RANBP2: variants seen among roughly 807,000 people sequenced by gnomAD.
RANBP2 encodes the protein RAN binding protein 2, also known as E3 SUMO-protein ligase RanBP2.
A neutral mutation model predicts 303.6 loss-of-function variants in RANBP2; 57 were observed. The observed-to-expected ratio is 0.19, with a 90% CI of 0.15 to 0.23. The LOEUF is 0.23. Among genes scored for constraint, RANBP2 ranks in the 10% least tolerant of loss-of-function variants. The probability of loss-of-function intolerance (pLI) is 1.00; values close to 1 mark genes in which losing one functional copy is unlikely to be tolerated. For missense variants in RANBP2, 3,138 were observed against 3,780.8 expected, an observed-to-expected ratio of 0.83 and a Z score of 4.46; for synonymous variants, 1,167 against 1,301.5, an observed-to-expected ratio of 0.90 and a Z score of 2.23.
the RANBP2 span, among the ~76,000 whole-genome samples, chr2:108,877,971 A>G: frequency 6.6e-6 from 1 of 152,204 alleles, no homozygotes. Context: ...TAATCCAAGA[A>G]TTTCTCCCTA....
the RANBP2 span, among the ~76,000 whole-genome samples, chr2:109,382,794 A>G: frequency 6.6e-6 from 1 of 152,236 alleles, no homozygotes; most frequent in Non-Finnish European, 1.5e-5. Context: ...ATTTGAAGTT[A>G]GCACCCCCAA....
the RANBP2 span, among the ~76,000 whole-genome samples, chr2:109,761,049 G>C: frequency 7.1e-6 from 1 of 140,012 alleles, no homozygotes; most frequent in Non-Finnish European, 1.5e-5. Flanking sequence ...GAGCGCAGCC[G>C]TGGGGAGGAA....
the RANBP2 span, among the ~76,000 whole-genome samples, chr2:108,942,045 C>T: frequency 3.9e-5 from 6 of 152,348 alleles, no homozygotes; most frequent in East Asian, 1.9e-4. Context: ...AGAGAAAGTT[C>T]GCTGGGCTTC....
At chr2:109,219,300 T>C in the RANBP2 span, among the ~76,000 whole-genome samples, 1 of 127,346 alleles carries the variant, frequency 7.9e-6, no homozygotes, top group Non-Finnish European at 1.6e-5. Context: ...CAAAACATTT[T>C]GTGTAATTAC....
the RANBP2 span, among the ~76,000 whole-genome samples, chr2:109,297,467 G>GCTCC: frequency 6.6e-6 from 1 of 152,022 alleles, no homozygotes; most frequent in African/African-American, 2.4e-5. Flanking sequence ...CCAGAGGGGT[G>GCTCC]CCTGGTGTGG....
At chr2:109,006,484 G>C in the RANBP2 span, among the ~76,000 whole-genome samples, 1 of 152,086 alleles carries the variant, frequency 6.6e-6, no homozygotes, top group Non-Finnish European at 1.5e-5. Context: ...ATGAGCCACC[G>C]CGCCGGCCCT....
At position 108,720,226 on chromosome 2, in the gene RANBP2, G is replaced by C; in HGVS notation, c.72+548G>C. The C allele has an allele frequency of 1.4e-5, 13 of 903,196 alleles. 2 individuals carry two copies. The highest frequency in any genetic ancestry group is 1.7e-5 in the Non-Finnish European group (13 of 764,344). The allele number at this position is 903,196 out of a possible 1,614,324, so 55.9% of individuals were successfully genotyped here. A position where few individuals can be genotyped will look rare whatever the true frequency, so the allele number is the denominator to read the frequency against. ...ATGGCCCGACGGCGCAAATGACACT[G>C]AAAGTCCCCTTGTTTTGAGTATGAG... On this transcript the variant is annotated intron_variant, in intron 1 of 28. Coordinates refer to ENST00000283195, the MANE Select transcript of RANBP2 (RefSeq NM_006267.5).
chr2:109,584,016 G>C, the RANBP2 span, among the ~76,000 whole-genome samples: 4 of 152,142 alleles, frequency 2.6e-5, no homozygotes, highest in African/African-American at 9.7e-5. Context: ...CCCGGTAAAG[G>C]CTGAAAAACT....
chr2:109,225,296 C>T, the RANBP2 span, among the ~76,000 whole-genome samples: 1 of 152,228 alleles, frequency 6.6e-6, no homozygotes, highest in African/African-American at 2.4e-5. Context: ...GAATAGTCCT[C>T]AAACCATTGT....
intron 17 of RANBP2, among the ~76,000 whole-genome samples, chr2:108,757,087 G>A (rs1335141108): frequency 2.0e-5 from 3 of 152,194 alleles, no homozygotes; most frequent in Non-Finnish European, 4.4e-5. Context: ...TGCTAGATCT[G>A]TCCCTGACCT....
chr2:109,274,230 T>C, the RANBP2 span, among the ~76,000 whole-genome samples: 2 of 152,230 alleles, frequency 1.3e-5, no homozygotes, highest in Non-Finnish European at 2.9e-5. Context: ...GATTTCAAGT[T>C]CATTGGTCCT....
the RANBP2 span, among the ~76,000 whole-genome samples, chr2:109,470,397 G>A: frequency 6.6e-6 from 1 of 152,136 alleles, no homozygotes; most frequent in Non-Finnish European, 1.5e-5. Context: ...CCCTGGAAGC[G>A]CCTTGTCAAT....
the RANBP2 span, chr2:109,732,844 T>G: frequency 7.7e-7 from 1 of 1,300,664 alleles, no homozygotes; most frequent in Non-Finnish European, 1.1e-6. Context: ...CTGGCTTTGC[T>G]TTTGTTGAAT....
chr2:108,768,199 A>C lies in RANBP2; in HGVS notation c.7660A>C (p.Lys2554Gln), dbSNP rs535669028. ...LFGFSFNAPL[K>Q]SNNSETSSVA... Reference sequence around the variant, plus strand: ...TGGATTTAGTTTTAATGCACCTTTGAAAAGTAACAATAGTGAAACTAGTTC... The same window carrying C: ...TGGATTTAGTTTTAATGCACCTTTGCAAAGTAACAATAGTGAAACTAGTTC... The change falls in exon 20 of 29, where the codon AAA (lysine) becomes CAA (glutamine). Residue 2554 changes from lysine (K) to glutamine (Q), a missense_variant. Transcript: ENST00000283195. The C allele has an allele frequency of 7.8e-5, 126 of 1,612,022 alleles. 1 individual carries two copies. The South Asian group carries it at 1.4e-3, about 17-fold the overall frequency.
At chr2:109,439,006 C>T in the RANBP2 span, among the ~76,000 whole-genome samples, 1 of 152,166 alleles carries the variant, frequency 6.6e-6, no homozygotes, top group East Asian at 1.9e-4. Flanking sequence ...GTGCAGTGGC[C>T]CTGGGTTGTC....
the RANBP2 span, among the ~76,000 whole-genome samples, chr2:109,011,031 C>T: frequency 1.3e-5 from 2 of 152,184 alleles, no homozygotes; most frequent in Admixed American, 1.3e-4. Context: ...TTGGCCAAGG[C>T]TAGTCTGGAA....
At chr2:109,567,855 G>A in the RANBP2 span, 11 of 1,612,562 alleles carry the variant, frequency 6.8e-6, no homozygotes, top group South Asian at 3.3e-5. Flanking sequence ...GTCATCATCC[G>A]TTGGGAACTG....
the RANBP2 span, among the ~76,000 whole-genome samples, chr2:109,179,177 T>A: frequency 6.6e-6 from 1 of 152,142 alleles, no homozygotes; most frequent in Admixed American, 6.5e-5. Context: ...GAAATACGTA[T>A]CTTGCAGCTG....
chr2:108,855,738 T>C, the RANBP2 span, among the ~76,000 whole-genome samples: 5 of 152,338 alleles, frequency 3.3e-5, no homozygotes, highest in Admixed American at 2.0e-4. Context: ...ACACAAGTTA[T>C]TCTAAACTTC....
Sources: gnomAD v4.1 joint callset for allele counts (sites outside exome capture counted in the v4.1 genomes callset) on GRCh38, gnomAD v4.1.1 for gene constraint, MANE v1.5 for transcripts, NCBI Gene and HGNC (gene_info 2026-07-23, HGNC 2026-07-21) for gene names.